PARD3B: variants seen among roughly 807,000 people sequenced by gnomAD.
PARD3B encodes par-3 family cell polarity regulator beta.
PARD3B carries 103 observed loss-of-function variants against 130.2 expected under a neutral mutation model. That is an observed-to-expected ratio of 0.79 (90% CI 0.67 to 0.93). PARD3B has a LOEUF of 0.93. PARD3B is among the 40% of genes least tolerant of loss of function. PARD3B has a pLI of 0.00. For missense variants in PARD3B, 1,609 were observed against 1,499.2 expected, an observed-to-expected ratio of 1.07 and a Z score of -1.21; for synonymous variants, 583 against 553.2, an observed-to-expected ratio of 1.05 and a Z score of -0.76.
At chr2:205,404,187 G>T (rs143943223) in intron 19 of PARD3B, among the ~76,000 whole-genome samples, 2 of 152,034 alleles carry the variant, frequency 1.3e-5, no homozygotes, top group Non-Finnish European at 2.9e-5. Flanking sequence ...TCAACCAACC[G>T]CAGATTGAAA....
In PARD3B at chr2:205,421,251, C is replaced by A. The variant is rs1179274554; in HGVS notation, c.2742-19119C>A. 6.6e-6 allele frequency among the ~76,000 whole-genome samples: 1 copy of A among 152,134 alleles called. No homozygotes were observed. The highest frequency in any genetic ancestry group is 1.5e-5 in the Non-Finnish European group (1 of 68,020). On this transcript the variant is annotated intron_variant, in intron 19 of 22. Coordinates refer to ENST00000406610, the MANE Select transcript of PARD3B (RefSeq NM_001302769.2). This position sits in a 1 kb window ranked among gnomAD's most constrained non-coding sequence, Gnocchi z 5.1. ...CCTAACATCATCTGTTTTAGACTCACTATTCTCCTCTAGGTGGCCATTTCT... is the reference window on the plus strand; with the variant it reads ...CCTAACATCATCTGTTTTAGACTCAATATTCTCCTCTAGGTGGCCATTTCT...
chr2:205,027,119 ATTT>A, intron 3 of PARD3B, among the ~76,000 whole-genome samples: 1 of 152,166 alleles, frequency 6.6e-6, no homozygotes. Flanking sequence ...CACATTTTTA[ATTT>A]TTTAAGGAAC....
chr2:205,325,589 C>T lies in PARD3B; in HGVS notation c.2630+23888C>T, dbSNP rs2042912360. ...TATTGCCCAGGCTGGAGTGCAGTGG[C>T]GTGATCATAACTCACTGTAGCCTCA... is the stretch of plus-strand genomic sequence containing the variant. On this transcript the variant is annotated intron_variant, in intron 18 of 22. Coordinates refer to ENST00000406610, the MANE Select transcript of PARD3B (RefSeq NM_001302769.2). This position sits in a 1 kb window ranked among gnomAD's most constrained non-coding sequence, Gnocchi z 4.1. Among the ~76,000 whole-genome samples the T allele has an allele frequency of 1.3e-5, 2 of 152,020 alleles. No individual in the cohort carries two copies. Among genetic ancestry groups the T allele is most frequent in the South Asian group, 4.1e-4 (2 of 4,826 alleles).
intron 10 of PARD3B, among the ~76,000 whole-genome samples, chr2:205,131,107 T>C (rs1289307087): frequency 2.0e-5 from 3 of 152,230 alleles, no homozygotes; most frequent in African/African-American, 7.2e-5. Context: ...TTAAATGATA[T>C]ATTATTTCAT....
intron 22 of PARD3B, among the ~76,000 whole-genome samples, chr2:205,598,908 T>C (rs2054673299): frequency 6.6e-6 from 1 of 152,124 alleles, no homozygotes; most frequent in Non-Finnish European, 1.5e-5. Flanking sequence ...AAAAAATTCT[T>C]TGAAACTAAT....
chr2:205,056,198 G>A (rs926488409), intron 4 of PARD3B, among the ~76,000 whole-genome samples: 4 of 151,552 alleles, frequency 2.6e-5, no homozygotes, highest in African/African-American at 4.9e-5. Flanking sequence ...ACTCTCTTAC[G>A]ATAGGGGACG....
At chr2:205,198,229 A>G (rs1053196538) in intron 15 of PARD3B, among the ~76,000 whole-genome samples, 12 of 152,194 alleles carry the variant, frequency 7.9e-5, no homozygotes, top group Admixed American at 2.6e-4. Context: ...GTTCTATAAC[A>G]CAGTTTGGAG....
At chr2:205,529,792 G>A (rs556470667) in intron 21 of PARD3B, among the ~76,000 whole-genome samples, 18 of 152,202 alleles carry the variant, frequency 1.2e-4, no homozygotes, top group African/African-American at 4.1e-4. Context: ...GATCTACGAG[G>A]GTTTTCTTTT....
At chr2:205,202,414 T>C (rs1456896491) in intron 15 of PARD3B, among the ~76,000 whole-genome samples, 1 of 152,220 alleles carries the variant, frequency 6.6e-6, no homozygotes, top group Non-Finnish European at 1.5e-5. Flanking sequence ...CTAGGAAACA[T>C]ACTTTCAAGA....
At chr2:204,724,424 C>T (rs1261160170) in intron 2 of PARD3B, among the ~76,000 whole-genome samples, 1 of 152,142 alleles carries the variant, frequency 6.6e-6, no homozygotes, top group East Asian at 1.9e-4. Context: ...AATGTATTCA[C>T]AGCAAGGATG....
chr2:205,028,125 T>C (rs2125352710), intron 3 of PARD3B, among the ~76,000 whole-genome samples: 1 of 152,246 alleles, frequency 6.6e-6, no homozygotes, highest in East Asian at 1.9e-4. Context: ...GGAATTTATA[T>C]AGGAATTAAA....
chr2:205,109,003 C>T (rs1381527642), intron 5 of PARD3B, among the ~76,000 whole-genome samples: 1 of 151,972 alleles, frequency 6.6e-6, no homozygotes, highest in African/African-American at 2.4e-5. Context: ...TGTAACCCAT[C>T]GCTTTCTGTT....
intron 2 of PARD3B, among the ~76,000 whole-genome samples, chr2:204,815,206 A>G (rs2043102646): frequency 6.6e-6 from 1 of 151,954 alleles, no homozygotes; most frequent in East Asian, 1.9e-4. Flanking sequence ...TTACTTTAAT[A>G]TATATGGGAT....
chr2:205,518,763 AGGCAGGTCTGGTC>A (rs1190918128), intron 21 of PARD3B, among the ~76,000 whole-genome samples: 1 of 152,176 alleles, frequency 6.6e-6, no homozygotes, highest in Non-Finnish European at 1.5e-5. Context: ...ATTTCTTGTA[AGGCAGGTCTGGTC>A]GTAGTGAATT....
chr2:205,177,757 T>C (rs2035552181), intron 13 of PARD3B, among the ~76,000 whole-genome samples: 1 of 152,196 alleles, frequency 6.6e-6, no homozygotes. Context: ...ATTAAGTGTT[T>C]ACTGTCTGTT....
intron 2 of PARD3B, among the ~76,000 whole-genome samples, chr2:204,817,692 T>A (rs2043196540): frequency 6.6e-6 from 1 of 152,114 alleles, no homozygotes; most frequent in Non-Finnish European, 1.5e-5. Context: ...ATGTAGCTGC[T>A]TTGGACTCTT....
At chr2:205,363,635 C>G (rs886262636) in intron 18 of PARD3B, among the ~76,000 whole-genome samples, 2 of 151,968 alleles carry the variant, frequency 1.3e-5, no homozygotes, top group Non-Finnish European at 2.9e-5. Flanking sequence ...ATGCCTCTTT[C>G]TTTTCTGGAG....
At chr2:204,896,606 T>C (rs2046649890) in intron 2 of PARD3B, among the ~76,000 whole-genome samples, 1 of 152,204 alleles carries the variant, frequency 6.6e-6, no homozygotes, top group Admixed American at 6.5e-5. Context: ...TGGAACATTG[T>C]AAGAGCTTAA....
chr2:205,012,857 G>A (rs1695829824), intron 3 of PARD3B, among the ~76,000 whole-genome samples: 1 of 152,164 alleles, frequency 6.6e-6, no homozygotes, highest in Admixed American at 6.5e-5. Context: ...CCTTCTGTGG[G>A]TAATTTATTA....
Sources: allele counts gnomAD v4.1 joint callset (sites outside exome capture counted in the v4.1 genomes callset), GRCh38; gene constraint gnomAD v4.1.1; non-coding constraint Gnocchi (gnomAD v3.1); transcripts MANE v1.5; gene names NCBI Gene and HGNC (gene_info 2026-07-23, HGNC 2026-07-21).